The following PACRG variants were observed in gnomAD, a reference collection of about 807,000 sequenced individuals.
PACRG encodes parkin coregulated gene protein.
A neutral mutation model predicts 29.7 loss-of-function variants in PACRG; 29 were observed. The ratio of observed to expected loss-of-function variants is 0.98; its 90% CI spans 0.73 to 1.33. The LOEUF (loss-of-function observed/expected upper bound fraction) is 1.33. Ranked by LOEUF, PACRG falls within the 40% of genes most tolerant of loss-of-function variation. PACRG has a pLI of 0.00. For synonymous variants in PACRG, 116 were observed against 118.7 expected (o/e 0.98, Z 0.15); for missense variants, 279 against 316.2 (o/e 0.88, Z 0.89).
intron 4 of PACRG, among the ~76,000 whole-genome samples, chr6:163,111,287 CCT>C (rs1342655894): frequency 2.0e-5 from 3 of 152,140 alleles, no homozygotes; most frequent in Non-Finnish European, 4.4e-5. Flanking sequence ...TTTATGATCC[CCT>C]TGTAAACGCT....
At chr6:162,980,786 T>C (rs543566031) in intron 2 of PACRG, among the ~76,000 whole-genome samples, 4 of 152,194 alleles carry the variant, frequency 2.6e-5, no homozygotes, top group Non-Finnish European at 5.9e-5. Context: ...AGAATCTCAT[T>C]AAATTTATCT....
At chr6:163,035,385 A>G (rs1267352085) in intron 2 of PACRG, among the ~76,000 whole-genome samples, 1 of 152,094 alleles carries the variant, frequency 6.6e-6, no homozygotes, top group East Asian at 1.9e-4. Flanking sequence ...ACGGTGGCTC[A>G]TGCCTATAAT....
chr6:163,086,622 C>T (rs745517898), intron 3 of PACRG, among the ~76,000 whole-genome samples: 4 of 152,052 alleles, frequency 2.6e-5, no homozygotes, highest in Non-Finnish European at 2.9e-5. Context: ...AACCCTAGTT[C>T]GTTGCTAGGG....
Position 162,791,307 on chromosome 6 carries a change from G to GTTT in PACRG, c.157-22839_157-22837dup, listed in dbSNP as rs141410582. Among the ~76,000 whole-genome samples the GTTT allele has an allele frequency of 1.4e-3, 162 of 117,820 alleles. 4 individuals are homozygous for GTTT. Among genetic ancestry groups the GTTT allele is most frequent in the Middle Eastern group, 5.0e-3 (1 of 200 alleles). The allele number at this position is 117,820 out of a possible 152,430, so 77.3% of individuals were successfully genotyped here. The stretch of plus-strand genomic sequence containing the variant: ...CCCCACTCTGACTCCTAGTTTGTTT[G>GTTT]TTTGTTTTTTTTTTTTTTGCTTTGC... On this transcript the variant is annotated intron_variant, in intron 1 of 4. Transcript: ENST00000366888.
chr6:162,947,321 A>AT (rs1562765406), intron 2 of PACRG, among the ~76,000 whole-genome samples: 6 of 49,984 alleles, frequency 1.2e-4, no homozygotes, highest in Non-Finnish European at 1.9e-4. Flanking sequence ...AATCATATAT[A>AT]ATACATATAA....
intron 2 of PACRG, among the ~76,000 whole-genome samples, chr6:162,991,734 CT>C (rs1384960602): frequency 1.6e-4 from 19 of 116,040 alleles, no homozygotes; most frequent in Non-Finnish European, 3.3e-5. Flanking sequence ...CCTTTATTTC[CT>C]TCTCCTGCCT....
At chr6:163,252,210 G>A (rs555362513) in intron 4 of PACRG, among the ~76,000 whole-genome samples, 1 of 152,346 alleles carries the variant, frequency 6.6e-6, no homozygotes, top group Admixed American at 6.5e-5. Flanking sequence ...TGGTGCACGT[G>A]AGGGCCGCAG....
intron 2 of PACRG, among the ~76,000 whole-genome samples, chr6:162,980,432 G>C (rs4559072): frequency 0.35 from 53,927 of 151,930 alleles, 10,412 homozygotes; most frequent in East Asian, 0.68. Flanking sequence ...TGTTAATTAG[G>C]TGCTACCATG....
intron 2 of PACRG, among the ~76,000 whole-genome samples, chr6:162,909,870 G>A (rs1471733556): frequency 1.3e-5 from 2 of 152,190 alleles, no homozygotes; most frequent in Non-Finnish European, 2.9e-5. Context: ...AATGAAGGAA[G>A]GAATGCATGA....
chr6:162,771,598 G>A (rs902277834), intron 1 of PACRG, among the ~76,000 whole-genome samples: 5 of 151,620 alleles, frequency 3.3e-5, no homozygotes, highest in Admixed American at 6.6e-5. Flanking sequence ...TTTGGTACAC[G>A]TTTCTCAAAC....
At chr6:163,186,233 C>T (rs1474769201) in intron 4 of PACRG, among the ~76,000 whole-genome samples, 1 of 152,168 alleles carries the variant, frequency 6.6e-6, no homozygotes, top group East Asian at 1.9e-4. Flanking sequence ...AAGGGGTGGA[C>T]CCCAACATAG....
At chr6:163,109,850 G>C (rs1345015417) in intron 4 of PACRG, among the ~76,000 whole-genome samples, 1 of 152,306 alleles carries the variant, frequency 6.6e-6, no homozygotes, top group Admixed American at 6.5e-5. Flanking sequence ...CAGTGAAATT[G>C]AGAAGGAGAT....
At chr6:163,130,307 G>A (rs887342801) in intron 4 of PACRG, among the ~76,000 whole-genome samples, 1 of 152,124 alleles carries the variant, frequency 6.6e-6, no homozygotes, top group African/African-American at 2.4e-5. Context: ...GTGTCTGTCC[G>A]GAGAACCCTC....
intron 2 of PACRG, among the ~76,000 whole-genome samples, chr6:163,058,924 A>C (rs1183362414): frequency 6.6e-6 from 1 of 151,482 alleles, no homozygotes; most frequent in Non-Finnish European, 1.5e-5. Context: ...CAAACAAAAA[A>C]CAAAATTAAC....
At chr6:162,764,571 A>G (rs1295038631) in intron 1 of PACRG, among the ~76,000 whole-genome samples, 1 of 152,118 alleles carries the variant, frequency 6.6e-6, no homozygotes, top group Non-Finnish European at 1.5e-5. Flanking sequence ...GATAGAAGAT[A>G]TAATTTCTTA....
intron 2 of PACRG, among the ~76,000 whole-genome samples, chr6:162,988,626 A>G (rs1387819905): frequency 1.3e-5 from 2 of 152,180 alleles, no homozygotes; most frequent in Non-Finnish European, 2.9e-5. Flanking sequence ...ATAGACTTTA[A>G]TGAGGTAATC....
intron 2 of PACRG, among the ~76,000 whole-genome samples, chr6:162,925,995 T>G (rs1440956415): frequency 6.6e-6 from 1 of 152,002 alleles, no homozygotes; most frequent in Non-Finnish European, 1.5e-5. Context: ...TCACAAGAAT[T>G]TCTATACACC....
At chr6:162,978,207 C>A (rs1802119007) in intron 2 of PACRG, among the ~76,000 whole-genome samples, 1 of 151,904 alleles carries the variant, frequency 6.6e-6, no homozygotes. Context: ...CATGAATGCT[C>A]ATTACTTAGA....
intron 4 of PACRG, among the ~76,000 whole-genome samples, chr6:163,169,391 G>A (rs1298930427): frequency 2.0e-5 from 3 of 152,200 alleles, no homozygotes; most frequent in African/African-American, 4.8e-5. Flanking sequence ...GGAAATCCAT[G>A]TCTGATTTTC....
Sources: allele counts gnomAD v4.1 joint callset (sites outside exome capture counted in the v4.1 genomes callset), GRCh38; gene constraint gnomAD v4.1.1; transcripts MANE v1.5; gene names NCBI Gene and HGNC (gene_info 2026-07-23, HGNC 2026-07-21).